The following DTNA variants were observed in gnomAD, a reference collection of about 807,000 sequenced individuals.
DTNA encodes the protein dystrophin-related protein 3.
DTNA carries 43 observed loss-of-function variants against 100.7 expected under a neutral mutation model. The ratio of observed to expected loss-of-function variants is 0.43; its 90% CI spans 0.33 to 0.55. DTNA has a LOEUF of 0.55. Ranked by LOEUF, DTNA falls within the 20% of genes least tolerant of loss-of-function variation. The pLI is 0.04. For synonymous variants in DTNA, 349 were observed against 347.9 expected, an observed-to-expected ratio of 1.00 and a Z score of -0.04; for missense variants, 798 against 953.9, an observed-to-expected ratio of 0.84 and a Z score of 2.15.
intron 1 of DTNA, among the ~76,000 whole-genome samples, chr18:34,665,400 C>G (rs961221655): frequency 2.6e-5 from 4 of 151,948 alleles, no homozygotes; most frequent in Non-Finnish European, 5.9e-5. Context: ...GGGTTTAATG[C>G]ATATTAGAGA....
chr18:34,882,373 C>T (rs1435503367), intron 21 of DTNA, among the ~76,000 whole-genome samples, 172 bp downstream of exon 21: 1 of 151,908 alleles, frequency 6.6e-6, no homozygotes, highest in Non-Finnish European at 1.5e-5. Context: ...ATTTTAAATA[C>T]TTCTTTTTTT....
chr18:34,828,220 CT>C (rs1400950088), intron 10 of DTNA, among the ~76,000 whole-genome samples: 1 of 152,118 alleles, frequency 6.6e-6, no homozygotes, highest in Non-Finnish European at 1.5e-5. Flanking sequence ...CATCTCATTT[CT>C]TTGCACAAGA....
chr18:34,744,704 G>A (rs1196573319), intron 1 of DTNA, among the ~76,000 whole-genome samples: 1 of 152,056 alleles, frequency 6.6e-6, no homozygotes, highest in African/African-American at 2.4e-5. Context: ...TGGCAAAAGT[G>A]GGCCATTGCA....
intron 18 of DTNA, among the ~76,000 whole-genome samples, 153 bp from the exon 19 acceptor site, chr18:34,877,566 T>G (rs1277326318): frequency 1.3e-5 from 2 of 152,228 alleles, no homozygotes; most frequent in African/African-American, 4.8e-5. Flanking sequence ...GTTGTTGTTC[T>G]TGTTTCAGGA....
chr18:34,625,468 C>T lies in DTNA; in HGVS notation c.-1-130508C>T, dbSNP rs575937478. ...GATTATAGGCGTGAGCCACTGCGCC[C>T]GGCCAGGGACACCTTTTAAGTGATA... On this transcript the variant is annotated intron_variant, in intron 1 of 19. Coordinates refer to the DTNA transcript ENST00000283365. 6.3e-4 allele frequency among the ~76,000 whole-genome samples: 96 copies of T among 152,280 alleles called. No homozygotes were observed. The South Asian group carries it at 0.014, about 22-fold the overall frequency.
chr18:34,621,099 A>G (rs1022599636), intron 1 of DTNA, among the ~76,000 whole-genome samples: 3 of 151,036 alleles, frequency 2.0e-5, no homozygotes, highest in African/African-American at 7.3e-5. Context: ...AGTTCTACAA[A>G]TGATTACCTA....
chr18:34,545,513 T>C (rs908968427), intron 1 of DTNA, among the ~76,000 whole-genome samples: 1 of 152,138 alleles, frequency 6.6e-6, no homozygotes, highest in Non-Finnish European at 1.5e-5. Context: ...TATAAGTTGA[T>C]TTTTAATTAT....
At chr18:34,514,942 A>AT in intron 1 of DTNA, among the ~76,000 whole-genome samples, 1 of 152,022 alleles carries the variant, frequency 6.6e-6, no homozygotes, top group East Asian at 1.9e-4. Flanking sequence ...TGTGTGTTTT[A>AT]ATATGAAACT....
intron 1 of DTNA, among the ~76,000 whole-genome samples, chr18:34,713,400 G>C (rs182409659): frequency 6.6e-6 from 1 of 152,230 alleles, no homozygotes; most frequent in East Asian, 1.9e-4. Flanking sequence ...TCTTGGTTTT[G>C]TTCAATAAGC....
chr18:34,618,512 G>A (rs1208278761), intron 1 of DTNA, among the ~76,000 whole-genome samples: 1 of 152,092 alleles, frequency 6.6e-6, no homozygotes, highest in Non-Finnish European at 1.5e-5. Context: ...ATAATTCTGT[G>A]ACTCACTTTA....
In DTNA at chr18:34,681,728, A is replaced by C. The variant is rs1264809104; in HGVS notation, c.-1-74248A>C. Reference sequence around the variant, plus strand: ...CACACACACACACACACACACACACACACCCCACACACACACACCCTATGG... The same window carrying C: ...CACACACACACACACACACACACACCCACCCCACACACACACACCCTATGG... On this transcript the variant is annotated intron_variant, in intron 1 of 19. Coordinates refer to the DTNA transcript ENST00000283365. Among the ~76,000 whole-genome samples the C allele has an allele frequency of 2.2e-4, 33 of 147,510 alleles. 1 individual carries two copies. In the East Asian group the frequency reaches 5.7e-3, roughly 25 times the overall value.
intron 1 of DTNA, among the ~76,000 whole-genome samples, chr18:34,534,442 A>G (rs1342264115): frequency 6.6e-6 from 1 of 152,086 alleles, no homozygotes; most frequent in Non-Finnish European, 1.5e-5. Context: ...GTGAGACATT[A>G]TCCCATGCAG....
intron 1 of DTNA, among the ~76,000 whole-genome samples, chr18:34,497,345 CA>C (rs1442400251): frequency 6.6e-6 from 1 of 152,076 alleles, no homozygotes; most frequent in Non-Finnish European, 1.5e-5. Flanking sequence ...TGAGTTCAAG[CA>C]AACATAGGAG....
At chr18:34,712,785 G>A (rs963999898) in intron 1 of DTNA, among the ~76,000 whole-genome samples, 122 of 152,152 alleles carry the variant, frequency 8.0e-4, no homozygotes, top group African/African-American at 2.6e-3. Context: ...CTCTAGAGCT[G>A]CCTAGAGTCA....
chr18:34,771,270 C>A (rs532871469), intron 3 of DTNA, among the ~76,000 whole-genome samples: 3 of 152,020 alleles, frequency 2.0e-5, no homozygotes, highest in African/African-American at 4.8e-5. Flanking sequence ...GAGGCCGAGG[C>A]GGGCGGATCA....
intron 15 of DTNA, among the ~76,000 whole-genome samples, chr18:34,852,311 C>A (rs190995446): frequency 6.6e-6 from 1 of 152,052 alleles, no homozygotes; most frequent in Non-Finnish European, 1.5e-5. Flanking sequence ...ACCAGAGAGG[C>A]CCCCTGGAAG....
intron 1 of DTNA, among the ~76,000 whole-genome samples, chr18:34,584,926 G>A (rs28663695): frequency 0.1 from 15,667 of 152,126 alleles, 1,169 homozygotes; most frequent in African/African-American, 0.21. Flanking sequence ...AATAACACTG[G>A]AAGCTAAAAG....
At chr18:34,801,738 T>C (rs1008221332) in intron 4 of DTNA, among the ~76,000 whole-genome samples, 1 of 152,204 alleles carries the variant, frequency 6.6e-6, no homozygotes. Context: ...CTTGATCACC[T>C]GGCCTCTTGT....
At chr18:34,824,384 G>A (rs760510410) in intron 9 of DTNA, among the ~76,000 whole-genome samples, 1 of 152,060 alleles carries the variant, frequency 6.6e-6, no homozygotes, top group Non-Finnish European at 1.5e-5. Context: ...GCTGAGGCAG[G>A]AGAATGGCGT....
Sources: allele counts gnomAD v4.1 joint callset (sites outside exome capture counted in the v4.1 genomes callset), GRCh38; gene constraint gnomAD v4.1.1; transcripts MANE v1.5; gene names NCBI Gene and HGNC (gene_info 2026-07-23, HGNC 2026-07-21).